Variants in FAM117A observed in about 807,000 individuals in gnomAD.
FAM117A encodes the protein protein FAM117A.
FAM117A carries 21 observed loss-of-function variants against 44.1 expected under a neutral mutation model. The ratio of observed to expected loss-of-function variants is 0.48; its 90% CI spans 0.34 to 0.69. The LOEUF (loss-of-function observed/expected upper bound fraction) is 0.69, where lower values mean the gene tolerates loss of function less well. FAM117A is among the 30% of genes least tolerant of loss of function. The probability of loss-of-function intolerance (pLI) is 0.01; values close to 1 mark genes in which losing one functional copy is unlikely to be tolerated. For missense variants in FAM117A, 498 were observed against 589.9 expected, an observed-to-expected ratio of 0.84 and a Z score of 1.61; for synonymous variants, 220 against 238.3, an observed-to-expected ratio of 0.92 and a Z score of 0.71.
At chr17:49,720,605 T>TTAAAA (rs2073529541) in intron 3 of FAM117A, among the ~76,000 whole-genome samples, 169 bp from the exon 4 acceptor site, 1 of 152,194 alleles carries the variant, frequency 6.6e-6, no homozygotes, top group Non-Finnish European at 1.5e-5. Context: ...ACTGTGATGA[T>TTAAAA]CTGTTCCTCA....
intron 2 of FAM117A, among the ~76,000 whole-genome samples, chr17:49,724,871 AAAAG>A (rs1269425078): frequency 1.3e-5 from 2 of 151,950 alleles, no homozygotes; most frequent in African/African-American, 2.4e-5. Context: ...AAAGAAAAGA[AAAAG>A]AAAGGGATGT....
At position 49,711,405 on chromosome 17, in the gene FAM117A, G is replaced by A. The variant is rs566859335; in HGVS notation, c.1212C>T (p.Asn404=). 6.2e-7 allele frequency: 1 copy of A among 1,613,428 alleles called. No homozygotes were observed. Among genetic ancestry groups the A allele is most frequent in the East Asian group, 2.2e-5 (1 of 44,876 alleles). Residue 404 remains asparagine, a synonymous_variant, in exon 8 of 8, where the codon AAC becomes AAT. Transcript: ENST00000240364. ...TGGCCGGGGGAAGGGGAGATCCCGG[G>A]TTTGAGGGGCAGTTACGGAAGATGA... ...MGFIFRNCPS[N]PGSPLPPASP...
chr17:49,757,272 ACATGGCCTGGACTTCAGTTCCAGGTCCCC>A (rs1341840194), intron 1 of FAM117A, among the ~76,000 whole-genome samples: 1 of 152,152 alleles, frequency 6.6e-6, no homozygotes, highest in African/African-American at 2.4e-5. Flanking sequence ...AAATGTCTGT[ACATGGCCTGGACTTCAGTTCCAGGTCCCC>A]CAGGGCCTGG....
At chr17:49,752,663 T>C (rs1256497235) in intron 1 of FAM117A, among the ~76,000 whole-genome samples, 2 of 152,172 alleles carry the variant, frequency 1.3e-5, no homozygotes, top group African/African-American at 4.8e-5. Flanking sequence ...TGTCCCTGGT[T>C]AGCCACTCAT....
Position 49,716,167 on chromosome 17 carries a change from G to T in FAM117A, c.1059C>A (p.Ala353=), listed in dbSNP as rs757401112. 6 of 1,607,662 alleles carry T rather than the reference G, an allele frequency of 3.7e-6. No individual in the cohort carries two copies. In the African/African-American group the frequency reaches 8.0e-5, roughly 22 times the overall value. The change falls in exon 7 of 8, where the codon GCC becomes GCA. Residue 353 remains alanine, a splice_region_variant and synonymous_variant. Transcript: ENST00000240364. ...GCEKVRVFEE[A]TSPGPDLAFL... Reference sequence around the variant, plus strand: ...CCCTGTCCACTTGGTGTACTCACGTGGCTTCTTCAAACACACGCACTTTCT... The same window carrying T: ...CCCTGTCCACTTGGTGTACTCACGTTGCTTCTTCAAACACACGCACTTTCT...
chr17:49,730,255 A>C (rs565578715), intron 2 of FAM117A, among the ~76,000 whole-genome samples: 7 of 152,360 alleles, frequency 4.6e-5, no homozygotes, highest in African/African-American at 1.7e-4. Flanking sequence ...TCCCAGGGAA[A>C]GAGGAAAGCT....
At chr17:49,741,271 GT>G (rs925346350) in intron 1 of FAM117A, among the ~76,000 whole-genome samples, 3 of 152,048 alleles carry the variant, frequency 2.0e-5, no homozygotes, top group African/African-American at 7.2e-5. Context: ...CATTTCCCCT[GT>G]TTTTTGTTTT....
chr17:49,781,389 A>T (rs968127869), intron 1 of FAM117A, among the ~76,000 whole-genome samples: 1 of 152,218 alleles, frequency 6.6e-6, no homozygotes, highest in African/African-American at 2.4e-5. Flanking sequence ...TAGTTCTGGA[A>T]ACAATGACTT....
At chr17:49,728,917 T>A (rs1356649233) in intron 2 of FAM117A, among the ~76,000 whole-genome samples, 4 of 152,198 alleles carry the variant, frequency 2.6e-5, no homozygotes, top group Non-Finnish European at 5.9e-5. Flanking sequence ...ATAACATATA[T>A]CCGCACGCTT....
intron 1 of FAM117A, among the ~76,000 whole-genome samples, chr17:49,758,694 C>A (rs2073710484): frequency 6.6e-6 from 1 of 150,988 alleles, no homozygotes; most frequent in Admixed American, 6.6e-5. Context: ...AAAAGGGCTC[C>A]AAACTGTCTG....
chr17:49,746,362 G>C (rs2073654300), intron 1 of FAM117A, among the ~76,000 whole-genome samples: 1 of 152,282 alleles, frequency 6.6e-6, no homozygotes, highest in Non-Finnish European at 1.5e-5. Context: ...CCTCAGAAAG[G>C]ACCTAAACCC....
At chr17:49,734,984 T>C (rs536771669) in intron 1 of FAM117A, among the ~76,000 whole-genome samples, 1 of 152,124 alleles carries the variant, frequency 6.6e-6, no homozygotes, top group African/African-American at 2.4e-5. Flanking sequence ...AAAAATAGAA[T>C]AGACTTTACC....
At position 49,713,909 on chromosome 17, in the gene FAM117A, G is replaced by C. The variant is rs146244143; in HGVS notation, c.1061+2256C>G. Among the ~76,000 whole-genome samples, 12 of 152,288 alleles carry C rather than the reference G, an allele frequency of 7.9e-5. No individual in the cohort carries two copies. The South Asian group carries it at 1.2e-3, about 16-fold the overall frequency. On this transcript the variant is annotated intron_variant, in intron 7 of 7. Transcript: ENST00000240364. The stretch of plus-strand genomic sequence containing the variant: ...GGCACAGAGTCAGGAGAGGTGGAGG[G>C]TAAAGGCCCACGTGGTGGGTGTGTT...
intron 1 of FAM117A, among the ~76,000 whole-genome samples, chr17:49,743,651 C>G (rs1248708511): frequency 2.0e-5 from 3 of 151,590 alleles, no homozygotes; most frequent in Non-Finnish European, 4.4e-5. Context: ...ATGGCATGAA[C>G]CCGGGAGGTG....
At chr17:49,753,713 G>A (rs918312659) in intron 1 of FAM117A, among the ~76,000 whole-genome samples, 1 of 152,204 alleles carries the variant, frequency 6.6e-6, no homozygotes, top group African/African-American at 2.4e-5. Context: ...GAACCTGGGA[G>A]GTGGAGGTTG....
intron 1 of FAM117A, chr17:49,788,407 C>G (rs2073833419): frequency 7.2e-6 from 1 of 139,074 alleles, no homozygotes; most frequent in Non-Finnish European, 1.3e-5. Context: ...AAATTTTGCC[C>G]AAGGTAAAGA....
At chr17:49,779,684 AGACTTG>A (rs1431240704) in intron 1 of FAM117A, among the ~76,000 whole-genome samples, 24 of 152,336 alleles carry the variant, frequency 1.6e-4, no homozygotes, top group South Asian at 6.2e-4. Flanking sequence ...CTCTGCCCAG[AGACTTG>A]GGTCTTGACC....
At chr17:49,772,755 A>G (rs1180961260) in intron 1 of FAM117A, among the ~76,000 whole-genome samples, 1 of 152,154 alleles carries the variant, frequency 6.6e-6, no homozygotes, top group Non-Finnish European at 1.5e-5. Context: ...CTGTCAAAAA[A>G]AAAAATCCAG....
At chr17:49,776,989 G>A (rs1361044545) in intron 1 of FAM117A, among the ~76,000 whole-genome samples, 1 of 152,228 alleles carries the variant, frequency 6.6e-6, no homozygotes, top group East Asian at 1.9e-4. Flanking sequence ...CACCTCTTGG[G>A]TGGGGCAGCC....
Sources: gnomAD v4.1 joint callset for allele counts (sites outside exome capture counted in the v4.1 genomes callset) on GRCh38, gnomAD v4.1.1 for gene constraint, MANE v1.5 for transcripts, NCBI Gene and HGNC (gene_info 2026-07-23, HGNC 2026-07-21) for gene names.